Variants in DENND2B observed in about 807,000 individuals in gnomAD.
DENND2B encodes DENN domain containing 2B.
DENND2B carries 32 observed loss-of-function variants against 116.0 expected under a neutral mutation model. The ratio of observed to expected loss-of-function variants is 0.28; its 90% confidence interval spans 0.21 to 0.37. The LOEUF (loss-of-function observed/expected upper bound fraction) is 0.37, where lower values mean the gene tolerates loss of function less well. Ranked by LOEUF, DENND2B falls within the 10% of genes least tolerant of loss-of-function variation. DENND2B has a pLI of 1.00. For synonymous variants in DENND2B, 588 were observed against 583.9 expected (o/e 1.01, Z -0.10); for missense variants, 1,276 against 1,477.7 (o/e 0.86, Z 2.24).
chr11:8,906,498 C>G (rs1589896099), intron 1 of DENND2B, among the ~76,000 whole-genome samples: 1 of 106,450 alleles, frequency 9.4e-6, no homozygotes, highest in African/African-American at 3.6e-5. Flanking sequence ...CGCGCCCAGC[C>G]AAGAAGTCTT....
intron 5 of DENND2B, 135 bp downstream of exon 5, chr11:8,717,606 G>T: frequency 2.8e-6 from 3 of 1,060,426 alleles, no homozygotes; most frequent in Non-Finnish European, 3.9e-6. Flanking sequence ...GTTCAGGGTG[G>T]TATGGCCGTA....
intron 1 of DENND2B, among the ~76,000 whole-genome samples, chr11:8,777,373 T>C (rs1019431933): frequency 2.6e-5 from 4 of 152,186 alleles, no homozygotes; most frequent in Non-Finnish European, 5.9e-5. Flanking sequence ...TGTTGCTATA[T>C]CAATGACTGG....
intron 1 of DENND2B, among the ~76,000 whole-genome samples, chr11:8,790,277 C>A (rs528994859): frequency 6.6e-6 from 1 of 152,312 alleles, no homozygotes; most frequent in East Asian, 1.9e-4. Flanking sequence ...TCAATTAATC[C>A]TTTCCTCCCA....
Position 8,836,727 on chromosome 11 carries a change from G to T in DENND2B, c.-115+2583C>A, listed in dbSNP as rs531337391. On this transcript the variant is annotated intron_variant, in intron 4 of 6. Coordinates refer to the DENND2B transcript ENST00000524757. ...ACCCACCGCGCCCGGCTACTTTGTT[G>T]TTTTTGAGACAGGGTCTCACTCTGT... Among the ~76,000 whole-genome samples, 58 of 150,372 alleles carry T rather than the reference G, an allele frequency of 3.9e-4. No individual in the cohort carries two copies. The South Asian group carries it at 4.0e-3, about 10-fold the overall frequency.
At chr11:8,783,336 C>G (rs56210429) in intron 1 of DENND2B, among the ~76,000 whole-genome samples, 3,097 of 152,264 alleles carry the variant, frequency 0.02, 101 homozygotes, top group African/African-American at 0.069. Context: ...ACAGAAACAA[C>G]CCAAAAGTCC....
intron 1 of DENND2B, among the ~76,000 whole-genome samples, chr11:8,802,475 CG>C (rs1460665971): frequency 6.6e-6 from 1 of 152,152 alleles, no homozygotes; most frequent in African/African-American, 2.4e-5. Context: ...CTCAATTTTA[CG>C]GAAGAGGAAC....
chr11:8,862,898 G>A (rs370034535), intron 2 of DENND2B, among the ~76,000 whole-genome samples: 3 of 152,066 alleles, frequency 2.0e-5, no homozygotes, highest in African/African-American at 4.8e-5. Context: ...AGACAGAGCT[G>A]GGCACATCAT....
At position 8,719,123 on chromosome 11, in the gene DENND2B, C is replaced by T. The variant is rs954339997; in HGVS notation, c.1478-1231G>A. On this transcript the variant is annotated intron_variant, in intron 4 of 19. Transcript: ENST00000313726. Reference sequence around the variant, plus strand: ...ACGCCCCAGAGGAACTCAGACCCCACTCCTCAGGAAGCAGGCAGAAGAAGG... The same window carrying T: ...ACGCCCCAGAGGAACTCAGACCCCATTCCTCAGGAAGCAGGCAGAAGAAGG... 2.2e-5 allele frequency: 22 copies of T among 985,508 alleles called. No individual in the cohort carries two copies. In the Admixed American group the frequency reaches 3.7e-4, roughly 17 times the overall value. 61.0% of individuals were successfully genotyped at this position (985,508 alleles called of 1,614,324 possible).
At chr11:8,886,158 C>T (rs902129763) in intron 1 of DENND2B, among the ~76,000 whole-genome samples, 4 of 152,080 alleles carry the variant, frequency 2.6e-5, no homozygotes, top group African/African-American at 9.7e-5. Flanking sequence ...TGGTGTCAAA[C>T]TCCTGGGGTC....
intron 4 of DENND2B, chr11:8,831,546 A>C (rs1189298420): frequency 6.6e-6 from 1 of 152,294 alleles, no homozygotes; most frequent in Non-Finnish European, 1.5e-5. Context: ...ACACAGGGCA[A>C]TAAGCCTACC....
Position 8,700,165 on chromosome 11 carries a change from AAGGTC to A in DENND2B, c.2721-780_2721-776del, listed in dbSNP as rs555786094. Among the ~76,000 whole-genome samples the A allele has an allele frequency of 3.1e-3, 469 of 152,312 alleles. 1 individual carries two copies. Among genetic ancestry groups the A allele is most frequent in the Middle Eastern group, 0.031 (9 of 294 alleles). ...GGTCCAGGCTCTCTTAGGGGCCACT[AAGGTC>A]AGGCCAGGCCAGGGCACCAAAGCTG... On this transcript the variant is annotated intron_variant, in intron 14 of 19. Transcript: ENST00000313726.
intron 4 of DENND2B, among the ~76,000 whole-genome samples, chr11:8,720,780 C>A (rs2046025892): frequency 6.6e-6 from 1 of 152,150 alleles, no homozygotes; most frequent in African/African-American, 2.4e-5. Context: ...GACCCTGAGT[C>A]CTGGACCACT....
chr11:8,839,806 C>G (rs2062563295), intron 3 of DENND2B, among the ~76,000 whole-genome samples: 1 of 152,182 alleles, frequency 6.6e-6, no homozygotes, highest in Non-Finnish European at 1.5e-5. Context: ...GCAGACCAGA[C>G]TCTGGGTTGG....
At position 8,702,024 on chromosome 11, in the gene DENND2B, A is replaced by G. The variant is rs1203484083; in HGVS notation, c.2720+548T>C. The stretch of plus-strand genomic sequence containing the variant: ...CTCCTCTCTGCACCTCAGTGCCCCC[A>G]TCACATCCTTCTCCCCAGCCCTCCC... On this transcript the variant is annotated intron_variant, in intron 14 of 19. Transcript: ENST00000313726. The surrounding 1 kb of genome is among the most constrained non-coding windows in gnomAD (Gnocchi z 4.6). 6.6e-6 allele frequency among the ~76,000 whole-genome samples: 1 copy of G among 151,620 alleles called. No homozygotes were observed. Among genetic ancestry groups the G allele is most frequent in the Non-Finnish European group, 1.5e-5 (1 of 67,920 alleles).
intron 1 of DENND2B, among the ~76,000 whole-genome samples, chr11:8,887,464 T>C (rs909588670): frequency 6.6e-6 from 1 of 152,212 alleles, no homozygotes; most frequent in Non-Finnish European, 1.5e-5. Flanking sequence ...AAAATAATCC[T>C]CCTACCTCAC....
intron 1 of DENND2B, among the ~76,000 whole-genome samples, chr11:8,773,469 G>A (rs1248037105): frequency 6.6e-6 from 1 of 152,208 alleles, no homozygotes; most frequent in African/African-American, 2.4e-5. Flanking sequence ...ATCAGAGACA[G>A]AAGAGTATCC....
intron 1 of DENND2B, among the ~76,000 whole-genome samples, chr11:8,759,406 G>A (rs2054174321): frequency 6.6e-6 from 1 of 152,216 alleles, no homozygotes; most frequent in African/African-American, 2.4e-5. Flanking sequence ...TCACCACTGA[G>A]AGGAAACGTA....
At chr11:8,828,620 G>A (rs558056735) in intron 4 of DENND2B, among the ~76,000 whole-genome samples, 29 of 152,178 alleles carry the variant, frequency 1.9e-4, no homozygotes, top group African/African-American at 7.0e-4. Context: ...AGGGCGGACC[G>A]AGCACTCTTT....
intron 2 of DENND2B, among the ~76,000 whole-genome samples, chr11:8,859,171 C>G (rs552446032): frequency 1.8e-4 from 28 of 152,314 alleles, no homozygotes; most frequent in Middle Eastern, 3.4e-3. Flanking sequence ...TGATGATGTA[C>G]TGCTTTATAT....
Sources: allele counts gnomAD v4.1 joint callset (sites outside exome capture counted in the v4.1 genomes callset), GRCh38; gene constraint gnomAD v4.1.1; non-coding constraint Gnocchi (gnomAD v3.1); transcripts MANE v1.5; gene names NCBI Gene and HGNC (gene_info 2026-07-23, HGNC 2026-07-21).